Variants in COL5A1 observed in about 807,000 individuals in gnomAD.
COL5A1 encodes collagen type V alpha 1 chain.
A neutral mutation model predicts 263.7 loss-of-function variants in COL5A1; 16 were observed. The observed-to-expected ratio is 0.06, with a 90% CI of 0.04 to 0.09. The LOEUF is 0.09. COL5A1 is among the 10% of genes least tolerant of loss of function. The pLI is 1.00. For missense variants in COL5A1, 2,036 were observed against 2,540.5 expected, an observed-to-expected ratio of 0.80 and a Z score of 4.27; for synonymous variants, 1,012 against 1,004.5, an observed-to-expected ratio of 1.01 and a Z score of -0.14.
chr9:134,738,697 G>A (rs1271032890), intron 10 of COL5A1, 49 bp from the exon 11 acceptor site: 7 of 1,386,996 alleles, frequency 5.0e-6, no homozygotes, highest in Admixed American at 3.4e-5. Flanking sequence ...CTTGGACCTT[G>A]CCCTGCGGCC....
rs144019761 is a variant in COL5A1 at position 134,780,345 on chromosome 9, C to T, written c.2430+199C>T. On this transcript the variant is annotated intron_variant, in intron 28 of 65. Transcript: ENST00000371817. ...GAAGAGTAAGTTGAGGATAGGCCCT[C>T]GGGTCCCCAGGGGCACATCTCCTAG... Among the ~76,000 whole-genome samples, 792 of 152,268 alleles carry T rather than the reference C, an allele frequency of 5.2e-3. 7 individuals carry two copies. The highest frequency in any genetic ancestry group is 0.018 in the African/African-American group (735 of 41,550).
At chr9:134,760,873 A>G (rs1836390345) in intron 18 of COL5A1, among the ~76,000 whole-genome samples, 1 of 147,790 alleles carries the variant, frequency 6.8e-6, no homozygotes, top group African/African-American at 2.5e-5. Context: ...ACACATGCAC[A>G]CAGACGCATA....
chr9:134,697,706 G>T (rs190549852), intron 2 of COL5A1, among the ~76,000 whole-genome samples: 4 of 152,284 alleles, frequency 2.6e-5, no homozygotes, highest in African/African-American at 4.8e-5. Context: ...GCCATATGGG[G>T]TCCCTACGGT....
chr9:134,690,766 G>T (rs1833250299), intron 1 of COL5A1, 146 bp from the exon 2 acceptor site: 7 of 977,970 alleles, frequency 7.2e-6, no homozygotes, highest in Non-Finnish European at 1.1e-5. Context: ...CCAGCACGCG[G>T]CTCTAAGCTG....
intron 43 of COL5A1, among the ~76,000 whole-genome samples, chr9:134,809,495 G>A (rs1426456667): frequency 3.9e-5 from 6 of 152,048 alleles, no homozygotes; most frequent in Non-Finnish European, 8.8e-5. Flanking sequence ...TCCCCGGCAC[G>A]CTCGAGGGAC....
At chr9:134,704,126 G>T (rs3935336) in intron 4 of COL5A1, among the ~76,000 whole-genome samples, 15,371 of 152,140 alleles carry the variant, frequency 0.1, 1,659 homozygotes, top group African/African-American at 0.27. Flanking sequence ...CCCAAAAGCA[G>T]ATGTATGTGA....
At chr9:134,750,639 G>A in intron 12 of COL5A1, 23 bp downstream of exon 12, 1 of 1,612,232 alleles carries the variant, frequency 6.2e-7, no homozygotes, top group Non-Finnish European at 8.5e-7. Flanking sequence ...ATCAGTCGGA[G>A]GTGGGGAGGC....
In COL5A1 at chr9:134,811,321, C is replaced by T. The variant is rs1838514967; in HGVS notation, c.3529-18C>T. The T allele has an allele frequency of 1.2e-6, 2 of 1,613,584 alleles. No individual in the cohort carries two copies. Among genetic ancestry groups the T allele is most frequent in the Non-Finnish European group, 8.5e-7 (1 of 1,179,586 alleles). On this transcript the variant is annotated intron_variant, in intron 44 of 65. Transcript: ENST00000371817. ...ACGATCCAAGAAGCTACCTATGTCT[C>T]TGTCTTGTTCCCCGCAGGGTCCTCC...
chr9:134,806,202 A>G lies in COL5A1; in HGVS notation c.3272A>G (p.Glu1091Gly). 6.4e-7 allele frequency: 1 copy of G among 1,550,536 alleles called. No individual in the cohort carries two copies. Among genetic ancestry groups the G allele is most frequent in the Non-Finnish European group, 8.7e-7 (1 of 1,146,608 alleles). ...GCTCCACCTCAGGGATCTCCAGGGG[A>G]GAGAGGTCCAGCTGGAGCCGCTGGG... ...GPPGPAGSPGERGPAGAAGPI... is the reference protein window; with the variant it reads ...GPPGPAGSPGGRGPAGAAGPI... The change falls in exon 42 of 66, where the codon GAG becomes GGG. Residue 1091 changes from glutamate (E) to glycine (G), a missense_variant. This residue lies in a region of COL5A1 where 1,078 missense variants were observed against 1,521.4 expected (regional missense o/e 0.71). Transcript: ENST00000371817.
intron 26 of COL5A1, among the ~76,000 whole-genome samples, chr9:134,774,294 C>A (rs1396953441): frequency 6.6e-6 from 1 of 152,184 alleles, no homozygotes; most frequent in Non-Finnish European, 1.5e-5. Context: ...TGCCGTGACA[C>A]CATGTGGAAA....
chr9:134,734,116 T>A (rs1228456032), intron 9 of COL5A1, among the ~76,000 whole-genome samples: 1 of 149,688 alleles, frequency 6.7e-6, no homozygotes, highest in African/African-American at 2.5e-5. Flanking sequence ...CAGGAGGGGG[T>A]TGGGAGTGTG....
At chr9:134,802,231 AG>A (rs796807224) in intron 38 of COL5A1, among the ~76,000 whole-genome samples, 2 of 152,242 alleles carry the variant, frequency 1.3e-5, no homozygotes, top group African/African-American at 4.8e-5. Context: ...AGGGCAAGGA[AG>A]GCTGCCCAAG....
At chr9:134,792,937 C>T (rs1837768950) in intron 32 of COL5A1, among the ~76,000 whole-genome samples, 1 of 96,694 alleles carries the variant, frequency 1.0e-5, no homozygotes, top group African/African-American at 3.8e-5. Context: ...GTATGTGTGT[C>T]TGCCTTCCAC....
At chr9:134,760,189 C>CA (rs1588515108) in intron 18 of COL5A1, among the ~76,000 whole-genome samples, 26 of 125,142 alleles carry the variant, frequency 2.1e-4, no homozygotes, top group East Asian at 1.1e-3. Context: ...ACATACACCC[C>CA]CACACCCCCA....
At chr9:134,832,770 T>C (rs1209721134) in intron 64 of COL5A1, 2 of 152,264 alleles carry the variant, frequency 1.3e-5, no homozygotes, top group Non-Finnish European at 2.9e-5. Context: ...CGTGGCTGCG[T>C]CTGAAAGCGT....
chr9:134,722,016 G>A (rs1834480792), intron 4 of COL5A1, among the ~76,000 whole-genome samples: 2 of 152,244 alleles, frequency 1.3e-5, no homozygotes, highest in Non-Finnish European at 2.9e-5. Flanking sequence ...CCTGCGCCTC[G>A]GTTTCTCCTT....
intron 1 of COL5A1, among the ~76,000 whole-genome samples, chr9:134,657,397 T>G (rs1174778073): frequency 1.7e-3 from 31 of 18,184 alleles, no homozygotes; most frequent in Admixed American, 4.9e-3. Flanking sequence ...GGGGTGGGGG[T>G]GTAGTTTATA....
chr9:134,785,966 G>A (rs999466347), intron 30 of COL5A1, 29 bp from the exon 31 acceptor site: 1 of 1,599,162 alleles, frequency 6.3e-7, no homozygotes, highest in Non-Finnish European at 8.6e-7. Flanking sequence ...TACCGTGCTG[G>A]CCATTAATGC....
chr9:134,776,618 G>A (rs1016366472), intron 27 of COL5A1, among the ~76,000 whole-genome samples: 18 of 152,214 alleles, frequency 1.2e-4, no homozygotes, highest in Non-Finnish European at 2.5e-4. Flanking sequence ...TGCGTGGGCC[G>A]AGCTGCCGCC....
Sources: allele counts gnomAD v4.1 joint callset (sites outside exome capture counted in the v4.1 genomes callset), GRCh38; gene constraint gnomAD v4.1.1; regional missense constraint gnomAD v4.1.1; transcripts MANE v1.5; gene names NCBI Gene and HGNC (gene_info 2026-07-23, HGNC 2026-07-21).